Variants in AFG1L observed in about 807,000 individuals in gnomAD.
The protein encoded by AFG1L is AFG1 like ATPase.
AFG1L carries 53 observed loss-of-function variants against 62.2 expected under a neutral mutation model. That is an observed-to-expected ratio of 0.85 (90% confidence interval 0.68 to 1.07). AFG1L has a LOEUF of 1.07. Ranked by LOEUF, AFG1L falls within the 50% of genes least tolerant of loss-of-function variation. The pLI is 0.00. For missense variants in AFG1L, 555 were observed against 590.5 expected (o/e 0.94, Z 0.62); for synonymous variants, 228 against 210.3 (o/e 1.08, Z -0.73).
At chr6:108,402,467 T>TAAAAA (rs55775052) in intron 7 of AFG1L, among the ~76,000 whole-genome samples, 3 of 91,174 alleles carry the variant, frequency 3.3e-5, no homozygotes, top group African/African-American at 4.6e-5. Flanking sequence ...CCGTCTCGAA[T>TAAAAA]AAAAAAAAAA....
chr6:108,523,862 G>A lies in AFG1L; in HGVS notation c.*1437G>A, dbSNP rs1320278820. The A allele has an allele frequency of 6.6e-6, 1 of 152,122 alleles. No homozygotes were observed. The highest frequency in any genetic ancestry group is 1.5e-5 in the Non-Finnish European group (1 of 68,030). The allele number at this position is 152,122 out of a possible 1,614,324, so 9.4% of individuals were successfully genotyped here. ...GTGGTTTAAAGATATTTTTATTGAAGTGAAACACAGTAATTTCAAAGAGGT... is the reference window on the plus strand; with the variant it reads ...GTGGTTTAAAGATATTTTTATTGAAATGAAACACAGTAATTTCAAAGAGGT... On this transcript the variant is annotated 3_prime_UTR_variant, in exon 13 of 13. Coordinates refer to ENST00000368977, the MANE Select transcript of AFG1L (RefSeq NM_145315.5).
intron 2 of AFG1L, among the ~76,000 whole-genome samples, chr6:108,341,961 T>A (rs1302613984): frequency 6.6e-6 from 1 of 152,126 alleles, no homozygotes; most frequent in African/African-American, 2.4e-5. Flanking sequence ...CAGAAAACAA[T>A]TCACAGCAGA....
chr6:108,325,585 A>C (rs1029107740), intron 2 of AFG1L, among the ~76,000 whole-genome samples: 1 of 152,086 alleles, frequency 6.6e-6, no homozygotes, highest in Admixed American at 6.6e-5. Flanking sequence ...TCCCAGGTTC[A>C]AGCAGTCCTC....
intron 10 of AFG1L, among the ~76,000 whole-genome samples, chr6:108,507,578 T>C (rs1423951009): frequency 6.6e-6 from 1 of 152,244 alleles, no homozygotes; most frequent in Non-Finnish European, 1.5e-5. Context: ...ATAATGATTT[T>C]CCTTGGGCAT....
chr6:108,494,669 G>A (rs371812532), intron 10 of AFG1L, among the ~76,000 whole-genome samples: 1 of 151,992 alleles, frequency 6.6e-6, no homozygotes, highest in South Asian at 2.1e-4. Context: ...CTTCATATTC[G>A]TGAGATTTCT....
chr6:108,425,384 TAGTG>T (rs1403137652), intron 7 of AFG1L, among the ~76,000 whole-genome samples: 2 of 152,136 alleles, frequency 1.3e-5, no homozygotes, highest in African/African-American at 4.8e-5. Flanking sequence ...TGGTGTATGC[TAGTG>T]AGTACCAGCC....
At chr6:108,352,689 C>T (rs1259334354) in intron 3 of AFG1L, among the ~76,000 whole-genome samples, 1 of 152,024 alleles carries the variant, frequency 6.6e-6, no homozygotes, top group Non-Finnish European at 1.5e-5. Context: ...CTCAGCTTTT[C>T]GAGTAGCTGG....
chr6:108,484,639 G>C (rs533293402), intron 10 of AFG1L, among the ~76,000 whole-genome samples: 1 of 152,090 alleles, frequency 6.6e-6, no homozygotes. Flanking sequence ...TCAGATAGGT[G>C]CAAAATTTTA....
intron 10 of AFG1L, among the ~76,000 whole-genome samples, chr6:108,477,625 A>G (rs1009296334): frequency 1.3e-5 from 2 of 152,184 alleles, no homozygotes; most frequent in African/African-American, 4.8e-5. Context: ...GAGAGTTAGG[A>G]AAAAGGAAGA....
At chr6:108,373,181 A>C (rs566749052) in intron 6 of AFG1L, among the ~76,000 whole-genome samples, 1 of 151,254 alleles carries the variant, frequency 6.6e-6, no homozygotes, top group South Asian at 2.1e-4. Flanking sequence ...TTCCACCCTT[A>C]CCCGCTTCTA....
intron 8 of AFG1L, among the ~76,000 whole-genome samples, chr6:108,461,910 C>T (rs1459331397): frequency 2.0e-5 from 3 of 152,132 alleles, no homozygotes; most frequent in South Asian, 2.1e-4. Flanking sequence ...CTGGCTAACA[C>T]GTTGAAACCC....
intron 6 of AFG1L, among the ~76,000 whole-genome samples, chr6:108,396,876 C>T (rs575286495): frequency 6.6e-6 from 1 of 152,320 alleles, no homozygotes; most frequent in South Asian, 2.1e-4. Flanking sequence ...TCATGGAAAA[C>T]TGGATATACC....
intron 7 of AFG1L, among the ~76,000 whole-genome samples, chr6:108,422,508 A>AAAAAAAAAAAAAAAAAAAAAAAAAAAAAT (rs1770646756): frequency 6.6e-6 from 1 of 150,554 alleles, no homozygotes; most frequent in African/African-American, 2.4e-5. Context: ...AAGAAGAAGA[A>AAAAAAAAAAAAAAAAAAAAAAAAAAAAAT]ATGCTCTATT....
chr6:108,374,223 A>C (rs1249300500), intron 6 of AFG1L, among the ~76,000 whole-genome samples: 1 of 152,080 alleles, frequency 6.6e-6, no homozygotes, highest in Non-Finnish European at 1.5e-5. Flanking sequence ...TTGCTTATAG[A>C]TTCTGGATAT....
chr6:108,449,268 A>G (rs764177662), intron 8 of AFG1L, among the ~76,000 whole-genome samples: 3 of 152,014 alleles, frequency 2.0e-5, no homozygotes, highest in Non-Finnish European at 2.9e-5. Flanking sequence ...TCTATTATCT[A>G]TCTATCTATC....
intron 7 of AFG1L, among the ~76,000 whole-genome samples, chr6:108,426,965 C>T (rs553065331): frequency 2.3e-4 from 35 of 152,120 alleles, no homozygotes; most frequent in South Asian, 8.3e-4. Context: ...TATGTCCAAA[C>T]ATATAGTTTT....
intron 2 of AFG1L, 60 bp downstream of exon 2, chr6:108,324,108 GATGCA>G (rs1203238062): frequency 1.4e-5 from 17 of 1,222,546 alleles, no homozygotes; most frequent in Non-Finnish European, 1.8e-5. Context: ...TTCTAAAATG[GATGCA>G]ATGCAGTAGG....
chr6:108,506,328 C>T (rs1320675842), intron 10 of AFG1L, among the ~76,000 whole-genome samples: 1 of 152,194 alleles, frequency 6.6e-6, no homozygotes, highest in Admixed American at 6.5e-5. Context: ...CTACCTCAGC[C>T]TCCTGAGTAG....
intron 10 of AFG1L, among the ~76,000 whole-genome samples, chr6:108,491,258 C>A (rs538014068): frequency 6.6e-6 from 1 of 152,302 alleles, no homozygotes; most frequent in South Asian, 2.1e-4. Flanking sequence ...CAACACTCAG[C>A]CTTCTATCAG....
Sources: allele counts gnomAD v4.1 joint callset (sites outside exome capture counted in the v4.1 genomes callset), GRCh38; gene constraint gnomAD v4.1.1; transcripts MANE v1.5; gene names NCBI Gene and HGNC (gene_info 2026-07-23, HGNC 2026-07-21).